Variants in GANC observed in about 807,000 individuals in gnomAD.
The protein encoded by GANC is neutral alpha-glucosidase C.
In GANC, 117 loss-of-function variants were observed where a neutral mutation model predicts 124.2. The observed-to-expected ratio is 0.94, with a 90% CI of 0.81 to 1.10. GANC has a LOEUF of 1.10. GANC is among the 50% of genes least tolerant of loss of function. The pLI, the probability that GANC is intolerant of heterozygous loss-of-function variation, is 0.00. For missense variants in GANC, 1,140 were observed against 1,095.0 expected (o/e 1.04, Z -0.58); for synonymous variants, 377 against 376.8 (o/e 1.00, Z -0.01).
At chr15:42,340,080 T>C (rs1319081070) in intron 17 of GANC, among the ~76,000 whole-genome samples, 168 bp downstream of exon 17, 1 of 152,202 alleles carries the variant, frequency 6.6e-6, no homozygotes. Flanking sequence ...AACAGGGTGC[T>C]GGCTGTTGGG....
Position 42,349,363 on chromosome 15 carries a change from C to T in GANC, c.2419-20C>T. 7.2e-7 allele frequency: 1 copy of T among 1,386,914 alleles called. No individual in the cohort carries two copies. Among genetic ancestry groups the T allele is most frequent in the East Asian group, 2.3e-5 (1 of 43,746 alleles). The allele number at this position is 1,386,914 out of a possible 1,614,324, so 85.9% of individuals were successfully genotyped here. ...AAGCTATCATATAAGCACATTCTGT[C>T]TCTGTGATTCATTCTCCAGGGTTCT... On this transcript the variant is annotated intron_variant, in intron 21 of 23. Coordinates refer to ENST00000318010, the MANE Select transcript of GANC (RefSeq NM_198141.3).
At chr15:42,323,278 G>C (rs563208236) in intron 11 of GANC, among the ~76,000 whole-genome samples, 2 of 152,252 alleles carry the variant, frequency 1.3e-5, no homozygotes, top group African/African-American at 4.8e-5. Flanking sequence ...ATGAGGCCTT[G>C]AACCTTCAAG....
At chr15:42,299,660 C>G (rs1013732570) in intron 6 of GANC, among the ~76,000 whole-genome samples, 3 of 152,082 alleles carry the variant, frequency 2.0e-5, no homozygotes, top group Non-Finnish European at 4.4e-5. Flanking sequence ...CAATCCTAAG[C>G]AAAAAGAACA....
chr15:42,322,906 G>T (rs1013461799), intron 11 of GANC, among the ~76,000 whole-genome samples: 1 of 152,144 alleles, frequency 6.6e-6, no homozygotes, highest in Non-Finnish European at 1.5e-5. Flanking sequence ...TATCATGTGA[G>T]TGAATAAAGT....
chr15:42,278,325 T>C (rs1393120402), intron 2 of GANC, among the ~76,000 whole-genome samples, 157 bp from the exon 3 acceptor site: 2 of 152,184 alleles, frequency 1.3e-5, no homozygotes, highest in Non-Finnish European at 2.9e-5. Flanking sequence ...ATAATAAAGT[T>C]CCTGATTAGC....
chr15:42,304,652 G>T (rs1437467385), intron 6 of GANC, among the ~76,000 whole-genome samples: 1 of 152,172 alleles, frequency 6.6e-6, no homozygotes, highest in East Asian at 1.9e-4. Context: ...AGTCCATATA[G>T]CCAAGACAAT....
In GANC at chr15:42,274,489, C is replaced by T; in HGVS notation, c.8C>T (p.Ala3Val). Residue 3 changes from alanine (A) to valine (V), a missense_variant, in exon 1 of 24, where the codon GCA becomes GTA. Ala to Val is a moderately conservative substitution (Grantham distance 64). Coordinates refer to ENST00000318010, the MANE Select transcript of GANC (RefSeq NM_198141.3). ...CGGAGTGACAGAGAAGCCATGGAAG[C>T]AGCAGTGAAAGAGGAAATAAGGTAA... ME[A>V]AVKEEISLED... The T allele has an allele frequency of 6.2e-7, 1 of 1,610,866 alleles. No individual in the cohort carries two copies. Among genetic ancestry groups the T allele is most frequent in the Non-Finnish European group, 8.5e-7 (1 of 1,178,726 alleles).
chr15:42,287,806 C>T lies in GANC; in HGVS notation c.317C>T (p.Pro106Leu). Residue 106 changes from proline to leucine, a missense_variant, in exon 4 of 24, where the codon CCA (proline) becomes CTA (leucine). By Grantham distance (98) the Pro-to-Leu change is moderately conservative. Transcript: ENST00000318010. ...GTTCCGGATGTCCTCACAAGCAAGC[C>T]AAGCACTGTAAGGTAAGCCAAGGAG... ...FEVPDVLTSK[P>L]STVRLISCSG... 6.2e-7 allele frequency: 1 copy of T among 1,612,692 alleles called. No individual in the cohort carries two copies.
rs769322144 is a variant in GANC, at chr15:42,349,414, A to G, written c.2450A>G (p.Asp817Gly). Residue 817 changes from aspartate to glycine, a missense_variant, in exon 22 of 24, where the codon GAT (aspartate) becomes GGT (glycine). Transcript: ENST00000318010. ...GSSVGELYLD[D>G]GHSFQYLHQK... ...TCAGTGGGTGAGTTATATCTTGATG[A>G]TGGCCATTCATTCCAATACCTCCAC... 14 of 1,613,156 alleles carry G rather than the reference A, an allele frequency of 8.7e-6. No homozygotes were observed. The highest frequency in any genetic ancestry group is 1.2e-5 in the Non-Finnish European group (14 of 1,179,160).
chr15:42,277,726 G>A (rs1442853602), intron 2 of GANC, among the ~76,000 whole-genome samples: 7 of 150,902 alleles, frequency 4.6e-5, no homozygotes, highest in East Asian at 2.0e-4. Flanking sequence ...TCAGCCTCCC[G>A]ACTAGCTGGG....
intron 10 of GANC, among the ~76,000 whole-genome samples, chr15:42,316,130 A>G (rs903028257): frequency 7.3e-4 from 111 of 152,168 alleles, no homozygotes; most frequent in African/African-American, 2.6e-3. Flanking sequence ...AAGGGAATTG[A>G]AAGCAGGGAC....
intron 20 of GANC, among the ~76,000 whole-genome samples, chr15:42,347,597 G>A (rs946401936): frequency 3.3e-5 from 5 of 152,144 alleles, no homozygotes; most frequent in Admixed American, 2.0e-4. Context: ...GGAGCAAGAG[G>A]GGACAGGCTG....
chr15:42,340,860 G>A (rs965848888), intron 18 of GANC, 106 bp downstream of exon 18: 18 of 835,292 alleles, frequency 2.2e-5, no homozygotes, highest in East Asian at 2.7e-5. Flanking sequence ...TCCGCCTCCC[G>A]GTTTCAAGAA....
At position 42,274,078 on chromosome 15, in the gene GANC, A is replaced by G. The variant is rs1351724152; in HGVS notation, c.-404A>G. On this transcript the variant is annotated 5_prime_UTR_variant, in exon 1 of 24. Transcript: ENST00000318010. ...TCAAAATCTGTGGCGTGACCCCGCC[A>G]CTGAGATAGATCTGCAGATGCTTCG... The G allele has an allele frequency of 1.7e-5, 4 of 240,746 alleles. No individual in the cohort carries two copies. Among genetic ancestry groups the G allele is most frequent in the South Asian group, 4.4e-5 (1 of 22,952 alleles). 14.9% of individuals were successfully genotyped at this position (240,746 alleles called of 1,614,324 possible). A position where few individuals can be genotyped will look rare whatever the true frequency, so the allele number is the denominator to read the frequency against.
chr15:42,327,052 C>G (rs1472848800), intron 12 of GANC, among the ~76,000 whole-genome samples: 1 of 152,092 alleles, frequency 6.6e-6, no homozygotes, highest in African/African-American at 2.4e-5. Flanking sequence ...CTTTAAGAAC[C>G]AAGAGATCAC....
intron 15 of GANC, among the ~76,000 whole-genome samples, chr15:42,337,849 G>T (rs1326054210): frequency 6.6e-6 from 1 of 152,090 alleles, no homozygotes; most frequent in Non-Finnish European, 1.5e-5. Flanking sequence ...ATCACTTGAG[G>T]CTAGGAGTTC....
At chr15:42,310,585 A>G in intron 9 of GANC, 108 bp from the exon 10 acceptor site, 1 of 1,474,278 alleles carries the variant, frequency 6.8e-7, no homozygotes, top group Non-Finnish European at 9.2e-7. Flanking sequence ...CAGTGTAATC[A>G]GTGAATATCA....
intron 6 of GANC, among the ~76,000 whole-genome samples, chr15:42,303,222 T>C (rs1243560011): frequency 6.6e-6 from 1 of 152,162 alleles, no homozygotes; most frequent in African/African-American, 2.4e-5. Context: ...AAGAAAATAA[T>C]TTTCAATCCA....
Position 42,340,772 on chromosome 15 carries a change from T to TG in GANC, c.2152+18_2152+19insG, listed in dbSNP as rs2141074937. 3 of 1,568,298 alleles carry TG rather than the reference T, an allele frequency of 1.9e-6. No individual in the cohort carries two copies. The highest frequency in any genetic ancestry group is 2.6e-6 in the Non-Finnish European group (3 of 1,162,494). On this transcript the variant is annotated intron_variant, in intron 18 of 23. Coordinates refer to ENST00000318010, the MANE Select transcript of GANC (RefSeq NM_198141.3). ...CATGCTGGGTGAGCATTTCTGTTTT[T>TG]TTTTTTTTTTTTGAGACGGAGTCTC...
Sources: gnomAD v4.1 joint callset for allele counts (sites outside exome capture counted in the v4.1 genomes callset) on GRCh38, gnomAD v4.1.1 for gene constraint, MANE v1.5 for transcripts, NCBI Gene and HGNC (gene_info 2026-07-23, HGNC 2026-07-21) for gene names.